NME7: variants seen among roughly 807,000 people sequenced by gnomAD.
NME7 encodes the protein nucleoside diphosphate kinase 7.
A neutral mutation model predicts 49.1 loss-of-function variants in NME7; 41 were observed. The observed-to-expected ratio is 0.83, with a 90% CI of 0.65 to 1.08. The LOEUF is 1.08. NME7 is among the 50% of genes least tolerant of loss of function. The probability of loss-of-function intolerance (pLI) is 0.00; values close to 1 mark genes in which losing one functional copy is unlikely to be tolerated. For synonymous variants in NME7, 139 were observed against 150.6 expected, an observed-to-expected ratio of 0.92 and a Z score of 0.56; for missense variants, 423 against 463.4, an observed-to-expected ratio of 0.91 and a Z score of 0.80.
chr1:169,224,004 A>G (rs936538420), intron 10 of NME7, among the ~76,000 whole-genome samples: 3 of 152,076 alleles, frequency 2.0e-5, no homozygotes, highest in African/African-American at 4.8e-5. Flanking sequence ...TCTTTAATTT[A>G]TCTAGTTATT....
chr1:169,350,068 T>C (rs888507896), intron 1 of NME7, among the ~76,000 whole-genome samples: 3 of 151,660 alleles, frequency 2.0e-5, no homozygotes, highest in African/African-American at 7.3e-5. Context: ...GGTGGGTGCC[T>C]GTAATCCCAG....
At chr1:169,209,818 T>C (rs1660764262) in intron 10 of NME7, among the ~76,000 whole-genome samples, 1 of 152,094 alleles carries the variant, frequency 6.6e-6, no homozygotes, top group Non-Finnish European at 1.5e-5. Context: ...CAAATTAGAC[T>C]TCCTTGAATT....
At chr1:169,165,800 T>C (rs1659393250) in intron 11 of NME7, among the ~76,000 whole-genome samples, 1 of 152,194 alleles carries the variant, frequency 6.6e-6, no homozygotes, top group African/African-American at 2.4e-5. Context: ...AGGGCATCCT[T>C]GACTATCTCA....
At chr1:169,355,318 TTATA>T (rs1285144455) in intron 1 of NME7, among the ~76,000 whole-genome samples, 1 of 108,680 alleles carries the variant, frequency 9.2e-6, no homozygotes, top group South Asian at 2.4e-4. Flanking sequence ...ATATTGTATA[TTATA>T]TATAATATAT....
intron 11 of NME7, among the ~76,000 whole-genome samples, chr1:169,148,948 C>T (rs1658833112): frequency 6.6e-6 from 1 of 152,232 alleles, no homozygotes; most frequent in African/African-American, 2.4e-5. Context: ...GATGCCCATA[C>T]ACACAATATA....
chr1:169,287,562 C>A (rs1334796801), intron 6 of NME7, among the ~76,000 whole-genome samples, 154 bp from the exon 7 acceptor site: 1 of 152,014 alleles, frequency 6.6e-6, no homozygotes, highest in Non-Finnish European at 1.5e-5. Context: ...TTTACAAAGA[C>A]ACACTGATTA....
chr1:169,363,318 A>G (rs1202799181), intron 1 of NME7, among the ~76,000 whole-genome samples: 1 of 152,172 alleles, frequency 6.6e-6, no homozygotes, highest in African/African-American at 2.4e-5. Flanking sequence ...TGTGTCTTGA[A>G]CTTTGTGGAT....
chr1:169,257,189 C>T (rs940660482), intron 7 of NME7, among the ~76,000 whole-genome samples: 3 of 134,370 alleles, frequency 2.2e-5, no homozygotes, highest in African/African-American at 7.6e-5. Context: ...AGTTTGATCT[C>T]AGACTGCTGT....
intron 3 of NME7, among the ~76,000 whole-genome samples, chr1:169,318,890 G>T (rs755046080): frequency 7.9e-5 from 12 of 152,038 alleles, no homozygotes; most frequent in Non-Finnish European, 1.8e-4. Context: ...GCAGCGGTGG[G>T]GGTAGCGGTG....
chr1:169,217,291 G>A lies in NME7; in HGVS notation c.990+13427C>T, dbSNP rs376072326. ...TCGACTTTCACTGTCCAATATGGTA[G>A]CCACATGTGGCTATTAAGCATTTGA... On this transcript the variant is annotated intron_variant, in intron 10 of 11. Transcript: ENST00000367811. Among the ~76,000 whole-genome samples the A allele has an allele frequency of 1.1e-4, 16 of 152,232 alleles. No individual in the cohort carries two copies. The East Asian group carries it at 1.2e-3, about 11-fold the overall frequency.
At chr1:169,229,850 T>C (rs1647524463) in intron 10 of NME7, among the ~76,000 whole-genome samples, 1 of 151,798 alleles carries the variant, frequency 6.6e-6, no homozygotes. Flanking sequence ...TAGTCCCAGC[T>C]ACTCAGATGG....
Position 169,258,442 on chromosome 1 carries a change from C to T in NME7, c.755-20755G>A, listed in dbSNP as rs1382689553. Among the ~76,000 whole-genome samples, 2 of 104,746 alleles carry T rather than the reference C, an allele frequency of 1.9e-5. 1 individual carries two copies. Among genetic ancestry groups the T allele is most frequent in the Non-Finnish European group, 4.1e-5 (2 of 48,374 alleles). The allele number at this position is 104,746 out of a possible 152,430, so 68.7% of individuals were successfully genotyped here. On this transcript the variant is annotated intron_variant, in intron 7 of 11. Transcript: ENST00000367811. ...CACACACATACACACACACATATATCTTCTCATTCTCAAAGTTAGCCTTTG... is the reference window on the plus strand; with the variant it reads ...CACACACATACACACACACATATATTTTCTCATTCTCAAAGTTAGCCTTTG...
chr1:169,162,613 G>C (rs1283335677), intron 11 of NME7, among the ~76,000 whole-genome samples: 1 of 152,078 alleles, frequency 6.6e-6, no homozygotes, highest in Non-Finnish European at 1.5e-5. Flanking sequence ...GGAGGCTAAG[G>C]CTGGAGAATT....
chr1:169,172,323 CGTGTGTGT>C (rs200830717), intron 10 of NME7, among the ~76,000 whole-genome samples: 16 of 127,794 alleles, frequency 1.3e-4, no homozygotes, highest in South Asian at 2.5e-4. Flanking sequence ...CAAAAACATA[CGTGTGTGT>C]GTGTGTGTGT....
chr1:169,198,212 G>A (rs1571283785), intron 10 of NME7, among the ~76,000 whole-genome samples: 2 of 152,094 alleles, frequency 1.3e-5, no homozygotes, highest in African/African-American at 4.8e-5. Context: ...ACATATACTG[G>A]TGAGAATATG....
intron 10 of NME7, among the ~76,000 whole-genome samples, chr1:169,203,733 G>A (rs187734961): frequency 1.4e-4 from 22 of 152,256 alleles, no homozygotes; most frequent in East Asian, 3.9e-4. Context: ...CAGCAGTGGA[G>A]CAAGTTTTTC....
chr1:169,271,668 C>T (rs562860939), intron 7 of NME7, among the ~76,000 whole-genome samples: 1 of 133,348 alleles, frequency 7.5e-6, no homozygotes. Flanking sequence ...GATATTCTGG[C>T]CTTTTTTTGG....
chr1:169,160,870 C>A (rs1391222918), intron 11 of NME7, among the ~76,000 whole-genome samples: 1 of 152,166 alleles, frequency 6.6e-6, no homozygotes, highest in Non-Finnish European at 1.5e-5. Context: ...GCTTTCTGTT[C>A]TACCCCACTA....
intron 1 of NME7, among the ~76,000 whole-genome samples, chr1:169,327,995 G>A (rs1369211638): frequency 1.3e-5 from 2 of 152,184 alleles, no homozygotes; most frequent in Non-Finnish European, 2.9e-5. Context: ...TTCCATTCCT[G>A]ATGATACTAT....
Sources: allele counts gnomAD v4.1 joint callset (sites outside exome capture counted in the v4.1 genomes callset), GRCh38; gene constraint gnomAD v4.1.1; transcripts MANE v1.5; gene names NCBI Gene and HGNC (gene_info 2026-07-23, HGNC 2026-07-21).